The following MAP4K5 variants were observed in gnomAD, a reference collection of about 807,000 sequenced individuals.
MAP4K5 encodes the protein MAPK/ERK kinase kinase kinase 5.
Under a neutral mutation model 135.6 loss-of-function variants are expected in MAP4K5, and 82 were observed. The observed-to-expected ratio is 0.60, with a 90% confidence interval of 0.51 to 0.73. The LOEUF (loss-of-function observed/expected upper bound fraction) is 0.73. MAP4K5 is among the 30% of genes least tolerant of loss of function. MAP4K5 has a pLI of 0.00. For missense variants in MAP4K5, 907 were observed against 1,010.9 expected (o/e 0.90, Z 1.39); for synonymous variants, 347 against 335.0 (o/e 1.04, Z -0.39).
chr14:50,550,143 A>G (rs1253037968), intron 1 of MAP4K5, among the ~76,000 whole-genome samples: 2 of 152,200 alleles, frequency 1.3e-5, no homozygotes, highest in Non-Finnish European at 2.9e-5. Context: ...CAACATCAGC[A>G]GCACTGATGC....
In MAP4K5 at chr14:50,531,993, G is replaced by A. The variant is rs558039248; in HGVS notation, c.57C>T (p.Asp19=). The A allele has an allele frequency of 2.5e-6, 4 of 1,602,786 alleles. No homozygotes were observed. The highest frequency in any genetic ancestry group is 1.1e-5 in the South Asian group (1 of 89,122). ...TGCCGACCCTCTGGACGAGTTCGTA[G>A]TCCTGCTGCGGGTTCCGCCTCAGGA... is the stretch of plus-strand genomic sequence containing the variant. The part of the protein sequence containing the change: ...ADILRRNPQQ[D]YELVQRVGSG... The change falls in exon 2 of 33, where the codon GAC becomes GAT. Residue 19 remains aspartate (D), a synonymous_variant. Coordinates refer to ENST00000682126, the MANE Select transcript of MAP4K5 (RefSeq NM_006575.6).
intron 1 of MAP4K5, among the ~76,000 whole-genome samples, chr14:50,544,102 G>T (rs1471797488): frequency 6.6e-6 from 1 of 152,212 alleles, no homozygotes; most frequent in East Asian, 1.9e-4. Flanking sequence ...GTATTCACTA[G>T]GGTGTCTCTT....
At chr14:50,435,895 A>C (rs904471890) in intron 26 of MAP4K5, among the ~76,000 whole-genome samples, 6 of 152,132 alleles carry the variant, frequency 3.9e-5, no homozygotes, top group African/African-American at 1.4e-4. Context: ...TAAACTCTAA[A>C]GTATTATTTA....
intron 31 of MAP4K5, 139 bp downstream of exon 31, chr14:50,425,768 G>A: frequency 2.0e-6 from 1 of 498,134 alleles, no homozygotes. Context: ...GAAAATACTG[G>A]CTTTTTTGTT....
intron 20 of MAP4K5, among the ~76,000 whole-genome samples, chr14:50,443,259 G>A (rs571497411): frequency 1.3e-5 from 2 of 152,262 alleles, no homozygotes; most frequent in Admixed American, 1.3e-4. Context: ...AAAGGACAAT[G>A]TATAAAGCAT....
chr14:50,531,934 TC>T lies in MAP4K5; in HGVS notation c.108+7del. ...CCGCAGGAAAAAAGCACGGCCAGCC[TC>T]ACTTACCTTATAGACGTCCCCGTAG... On this transcript the variant is annotated splice_region_variant and intron_variant, in intron 2 of 32. Transcript: ENST00000682126. 1 of 1,578,484 alleles carries T rather than the reference TC, an allele frequency of 6.3e-7. No homozygotes were observed. The highest frequency in any genetic ancestry group is 1.2e-5 in the South Asian group (1 of 86,948).
chr14:50,506,391 TTC>T (rs1297332614), intron 2 of MAP4K5, among the ~76,000 whole-genome samples: 8 of 152,168 alleles, frequency 5.3e-5, no homozygotes, highest in Admixed American at 5.2e-4. Context: ...AGGGTCTCAC[TTC>T]TGTCACCCAG....
rs867638412 is a variant in MAP4K5 at position 50,456,404 on chromosome 14, T to G, written c.1015+112A>C. On this transcript the variant is annotated intron_variant, in intron 14 of 32. Coordinates refer to ENST00000682126, the MANE Select transcript of MAP4K5 (RefSeq NM_006575.6). Reference sequence around the variant, plus strand: ...AACCCCTATTTTAAAAGTATTCTGATATGTTGAAGTATGTAGCCTTAGTCT... The same window carrying G: ...AACCCCTATTTTAAAAGTATTCTGAGATGTTGAAGTATGTAGCCTTAGTCT... 18 of 757,706 alleles carry G rather than the reference T, an allele frequency of 2.4e-5. No homozygotes were observed. The Middle Eastern group carries it at 1.4e-3, about 58-fold the overall frequency. 46.9% of individuals were successfully genotyped at this position (757,706 alleles called of 1,614,324 possible). A position where few individuals can be genotyped will look rare whatever the true frequency, so the allele number is the denominator to read the frequency against.
chr14:50,529,498 TATTC>T (rs1006517934), intron 2 of MAP4K5, among the ~76,000 whole-genome samples: 2 of 152,194 alleles, frequency 1.3e-5, no homozygotes, highest in South Asian at 2.1e-4. Context: ...CAGAGTCTGA[TATTC>T]ATTCATTCAT....
In MAP4K5 at chr14:50,420,069, T is replaced by C. The variant is rs747577376; in HGVS notation, c.2491A>G (p.Thr831Ala). The C allele has an allele frequency of 1.2e-5, 20 of 1,610,956 alleles. No individual in the cohort carries two copies. Among genetic ancestry groups the C allele is most frequent in the African/African-American group, 4.0e-5 (3 of 74,930 alleles). Residue 831 changes from threonine to alanine, a missense_variant, in exon 33 of 33, where the codon ACT becomes GCT. Physicochemically the swap from Thr to Ala is moderately conservative, Grantham distance 58. Around this residue, in one of 3 missense-constraint regions of MAP4K5, gnomAD observed 690 missense variants for 777.4 expected, o/e 0.89. Coordinates refer to ENST00000682126, the MANE Select transcript of MAP4K5 (RefSeq NM_006575.6). ...AAGATGTAGAGATTGCTGTGTGCAG[T>C]AGGATTTTCTGTTGGCCTACTTTCC... ...VLESRPTENP[T>A]AHSNLYILAG...
At chr14:50,540,244 T>C (rs1205252943) in intron 2 of MAP4K5, among the ~76,000 whole-genome samples, 3 of 152,248 alleles carry the variant, frequency 2.0e-5, no homozygotes, top group Non-Finnish European at 4.4e-5. Flanking sequence ...TATCCTATTA[T>C]TAATCCCTGA....
intron 30 of MAP4K5, among the ~76,000 whole-genome samples, chr14:50,428,230 C>T (rs1367751232): frequency 6.6e-6 from 1 of 151,838 alleles, no homozygotes; most frequent in Admixed American, 6.6e-5. Flanking sequence ...TATGTTTAAT[C>T]ACTACTGTAT....
Position 50,532,038 on chromosome 14 carries a change from C to T in MAP4K5, c.12G>A (p.Pro4=), listed in dbSNP as rs762845846. 1 of 1,569,464 alleles carries T rather than the reference C, an allele frequency of 6.4e-7. No homozygotes were observed. MEA[P]LRPAADILRR... is the part of the protein sequence containing the mutation. ...TCAGGATGTCCGCGGCAGGCCGCAG[C>T]GGGGCCTCCATCTTCACTTAGGGCC... Residue 4 remains proline (P), a synonymous_variant, in exon 2 of 33, where the codon CCG becomes CCA. Transcript: ENST00000682126.
intron 32 of MAP4K5, among the ~76,000 whole-genome samples, chr14:50,422,853 T>C (rs903166330): frequency 1.4e-4 from 22 of 152,150 alleles, no homozygotes; most frequent in Admixed American, 1.4e-3. Context: ...ATAGCTCTCA[T>C]AGTACTAGGG....
At chr14:50,518,621 A>G (rs920590144) in intron 2 of MAP4K5, among the ~76,000 whole-genome samples, 7 of 152,242 alleles carry the variant, frequency 4.6e-5, no homozygotes, top group African/African-American at 1.7e-4. Context: ...ACTCCCAGGC[A>G]GACAGATTCA....
At chr14:50,490,229 T>C (rs899421030) in intron 3 of MAP4K5, among the ~76,000 whole-genome samples, 5 of 151,282 alleles carry the variant, frequency 3.3e-5, no homozygotes, top group African/African-American at 4.9e-5. Context: ...AGGGGAAATA[T>C]GTAGAGCCAA....
At chr14:50,430,250 T>C (rs2035939427) in intron 28 of MAP4K5, among the ~76,000 whole-genome samples, 1 of 152,200 alleles carries the variant, frequency 6.6e-6, no homozygotes, top group Non-Finnish European at 1.5e-5. Context: ...TACCTTTCAT[T>C]CTCTTAGAAC....
chr14:50,465,797 G>C (rs1335318709), intron 11 of MAP4K5, among the ~76,000 whole-genome samples: 2 of 152,082 alleles, frequency 1.3e-5, no homozygotes, highest in Non-Finnish European at 2.9e-5. Context: ...AGAACACTGG[G>C]CCGGGTGAGG....
At chr14:50,473,941 G>T (rs935605361) in intron 9 of MAP4K5, among the ~76,000 whole-genome samples, 3 of 151,898 alleles carry the variant, frequency 2.0e-5, no homozygotes, top group Non-Finnish European at 4.4e-5. Context: ...AGCCAGGATG[G>T]TCTCGATCTC....
Sources: gnomAD v4.1 joint callset for allele counts (sites outside exome capture counted in the v4.1 genomes callset) on GRCh38, gnomAD v4.1.1 for gene constraint, gnomAD v4.1.1 regional missense constraint, MANE v1.5 for transcripts, NCBI Gene and HGNC (gene_info 2026-07-23, HGNC 2026-07-21) for gene names.